Variants in EPS8 observed in about 807,000 individuals in gnomAD.
EPS8 encodes EGFR pathway substrate 8, signaling adaptor, also known as epidermal growth factor receptor kinase substrate 8.
Under a neutral mutation model 103.8 loss-of-function variants are expected in EPS8, and 42 were observed. The ratio of observed to expected loss-of-function variants is 0.40; its 90% CI spans 0.32 to 0.52. EPS8 has a LOEUF of 0.52. EPS8 is among the 20% of genes least tolerant of loss of function. The pLI is 0.40. For missense variants in EPS8, 969 were observed against 1,005.1 expected, an observed-to-expected ratio of 0.96 and a Z score of 0.49; for synonymous variants, 344 against 344.6, an observed-to-expected ratio of 1.00 and a Z score of 0.02.
chr12:15,709,467 A>G (rs1195853257), intron 1 of EPS8, among the ~76,000 whole-genome samples: 1 of 152,218 alleles, frequency 6.6e-6, no homozygotes, highest in African/African-American at 2.4e-5. Flanking sequence ...TAAAGCATAA[A>G]GAAGAAGCTT....
At chr12:15,651,936 G>T (rs935117812) in intron 13 of EPS8, among the ~76,000 whole-genome samples, 3 of 151,938 alleles carry the variant, frequency 2.0e-5, no homozygotes, top group Non-Finnish European at 2.9e-5. Flanking sequence ...GTAGTTTTTT[G>T]AATGTTAATT....
chr12:15,631,580 G>A lies in EPS8; in HGVS notation c.1906C>T (p.Pro636Ser). 1 of 1,614,030 alleles carries A rather than the reference G, an allele frequency of 6.2e-7. No homozygotes were observed. Among genetic ancestry groups the A allele is most frequent in the Non-Finnish European group, 8.5e-7 (1 of 1,179,952 alleles). Residue 636 changes from proline (P) to serine (S), a missense_variant, in exon 18 of 21, where the codon CCC becomes TCC. By Grantham distance (74) the Pro-to-Ser change is moderately conservative. Coordinates refer to ENST00000281172, the MANE Select transcript of EPS8 (RefSeq NM_004447.6). Reference protein sequence around the residue: ...PPPTPAPVPVPLPPSTPAPVP... With the variant: ...PPPTPAPVPVSLPPSTPAPVP... ...GGTGCTGGAGTGGAAGGGGGAAGGG[G>A]AACAGGAACAGGAGCTGGTGTTGGA...
intron 1 of EPS8, among the ~76,000 whole-genome samples, chr12:15,744,931 A>C (rs958409963): frequency 1.3e-5 from 2 of 152,082 alleles, no homozygotes. Context: ...GCTAGAGTGC[A>C]GTGGCGCGAT....
chr12:15,737,602 G>A (rs1348920640), intron 1 of EPS8, among the ~76,000 whole-genome samples: 1 of 152,118 alleles, frequency 6.6e-6, no homozygotes, highest in Non-Finnish European at 1.5e-5. Context: ...TGATAAAATT[G>A]AGGCATGAAG....
chr12:15,660,826 T>C, intron 9 of EPS8, 86 bp from the exon 10 acceptor site: 4 of 798,556 alleles, frequency 5.0e-6, no homozygotes, highest in Non-Finnish European at 7.8e-6. Context: ...AGAAAGGTTT[T>C]TTTAGAAAAG....
chr12:15,717,722 T>G lies in EPS8; in HGVS notation c.-21-34750A>C, dbSNP rs1591891559. Among the ~76,000 whole-genome samples, 1 of 152,336 alleles carries G rather than the reference T, an allele frequency of 6.6e-6. No individual in the cohort carries two copies. Among genetic ancestry groups the G allele is most frequent in the Admixed American group, 6.5e-5 (1 of 15,300 alleles). On this transcript the variant is annotated intron_variant, in intron 1 of 20. Transcript: ENST00000281172. This position sits in a 1 kb window ranked among gnomAD's most constrained non-coding sequence, Gnocchi z 4.3. ...AGAGTGAGACCATACTTAAATTAAG[T>G]GTATAGATGGCATTAGTAGTCTAAG...
At chr12:15,651,757 T>C (rs939285832) in intron 13 of EPS8, among the ~76,000 whole-genome samples, 6 of 152,220 alleles carry the variant, frequency 3.9e-5, no homozygotes. Context: ...ATAGTTCTAC[T>C]ATGATGAAAT....
At chr12:15,740,459 T>A (rs1264997815) in intron 1 of EPS8, among the ~76,000 whole-genome samples, 1 of 151,846 alleles carries the variant, frequency 6.6e-6, no homozygotes, top group Admixed American at 6.6e-5. Flanking sequence ...GCAGGAGAAC[T>A]GCTAGAACCC....
In EPS8 at chr12:15,688,533, C is replaced by A. The variant is rs1292875803; in HGVS notation, c.-21-5561G>T. Among the ~76,000 whole-genome samples, 2 of 152,112 alleles carry A rather than the reference C, an allele frequency of 1.3e-5. No individual in the cohort carries two copies. The highest frequency in any genetic ancestry group is 2.9e-5 in the Non-Finnish European group (2 of 68,020). ...ACACCCTGAGAACCTAGCAGGCAGG[C>A]ACATAAGCAGCTGGACATTGAGAGG... On this transcript the variant is annotated intron_variant, in intron 1 of 20. Coordinates refer to ENST00000281172, the MANE Select transcript of EPS8 (RefSeq NM_004447.6). This position sits in a 1 kb window ranked among gnomAD's most constrained non-coding sequence, Gnocchi z 5.1.
At chr12:15,652,449 T>A (rs1236126396) in intron 13 of EPS8, among the ~76,000 whole-genome samples, 1 of 152,174 alleles carries the variant, frequency 6.6e-6, no homozygotes, top group Non-Finnish European at 1.5e-5. Context: ...AAAATTCAAA[T>A]GTTCCTAGCA....
Position 15,658,573 on chromosome 12 carries a change from G to A in EPS8, c.950C>T (p.Thr317Met), listed in dbSNP as rs193272275. The part of the protein sequence containing the change: ...KRKGPGEGVL[T>M]LRAKPPPPDE... ...AGGAGGTGGAGGTTTTGCCCGCAGCGTTAAAACACCCTCTAATGAAATAAG... is the reference window on the plus strand; with the variant it reads ...AGGAGGTGGAGGTTTTGCCCGCAGCATTAAAACACCCTCTAATGAAATAAG... The change falls in exon 11 of 21, where the codon ACG becomes ATG. Residue 317 changes from threonine (T) to methionine (M), a missense_variant. Transcript: ENST00000281172. 1.7e-4 allele frequency: 279 copies of A among 1,610,468 alleles called. No individual in the cohort carries two copies. Among genetic ancestry groups the A allele is most frequent in the Admixed American group, 2.8e-4 (17 of 59,960 alleles).
Position 15,733,596 on chromosome 12 carries a change from G to A in EPS8, c.-21-50624C>T, listed in dbSNP as rs930973230. Reference sequence around the variant, plus strand: ...ACATGTGAAAACACCTCAGCCCAGAGATAAGAGGACCACATGTTCTTGGTG... The same window carrying A: ...ACATGTGAAAACACCTCAGCCCAGAAATAAGAGGACCACATGTTCTTGGTG... On this transcript the variant is annotated intron_variant, in intron 1 of 20. Coordinates refer to ENST00000281172, the MANE Select transcript of EPS8 (RefSeq NM_004447.6). The surrounding 1 kb of genome is among the most constrained non-coding windows in gnomAD (Gnocchi z 4.8). 3.9e-5 allele frequency among the ~76,000 whole-genome samples: 6 copies of A among 152,028 alleles called. No homozygotes were observed. The highest frequency in any genetic ancestry group is 7.4e-5 in the Non-Finnish European group (5 of 68,008).
chr12:15,666,309 T>C, intron 7 of EPS8, 131 bp downstream of exon 7: 1 of 658,752 alleles, frequency 1.5e-6, no homozygotes, highest in Middle Eastern at 3.0e-4. Flanking sequence ...AACAAATGTG[T>C]TGAGACTACA....
intron 17 of EPS8, among the ~76,000 whole-genome samples, chr12:15,635,707 C>T (rs971547766): frequency 6.6e-6 from 1 of 152,000 alleles, no homozygotes; most frequent in African/African-American, 2.4e-5. Flanking sequence ...GTAGAGATCA[C>T]ATAACTGACT....
intron 15 of EPS8, among the ~76,000 whole-genome samples, chr12:15,642,516 A>G (rs559556307): frequency 6.6e-6 from 1 of 152,304 alleles, no homozygotes; most frequent in African/African-American, 2.4e-5. Flanking sequence ...TCATTAAATG[A>G]GTACTAATAG....
intron 14 of EPS8, among the ~76,000 whole-genome samples, chr12:15,650,453 G>A (rs1205585741): frequency 6.6e-6 from 1 of 152,066 alleles, no homozygotes; most frequent in Non-Finnish European, 1.5e-5. Flanking sequence ...CTGATAATGG[G>A]AGAGGAAAAC....
intron 1 of EPS8, among the ~76,000 whole-genome samples, chr12:15,694,026 C>T (rs1946210139): frequency 6.6e-6 from 1 of 152,176 alleles, no homozygotes; most frequent in African/African-American, 2.4e-5. Flanking sequence ...CAAACCTGCA[C>T]ATTGAGCACA....
At chr12:15,770,222 G>A (rs1413529575) in intron 1 of EPS8, among the ~76,000 whole-genome samples, 2 of 142,648 alleles carry the variant, frequency 1.4e-5, no homozygotes, top group Non-Finnish European at 3.0e-5. Flanking sequence ...CTAGGAGCTC[G>A]AGGCTGCAGT....
intron 1 of EPS8, among the ~76,000 whole-genome samples, chr12:15,741,744 G>C (rs575082319): frequency 6.6e-6 from 1 of 152,116 alleles, no homozygotes; most frequent in Admixed American, 6.5e-5. Context: ...TTAAGTTCTA[G>C]GGTACATGTG....
Sources: allele counts gnomAD v4.1 joint callset (sites outside exome capture counted in the v4.1 genomes callset), GRCh38; gene constraint gnomAD v4.1.1; non-coding constraint Gnocchi (gnomAD v3.1); transcripts MANE v1.5; gene names NCBI Gene and HGNC (gene_info 2026-07-23, HGNC 2026-07-21).